The following HYDIN variants were observed in gnomAD, a reference collection of about 807,000 sequenced individuals.
HYDIN encodes HYDIN axonemal central pair apparatus protein, also known as axonemal central pair apparatus protein HYDIN.
HYDIN carries 132 observed loss-of-function variants against 403.9 expected under a neutral mutation model. That is an observed-to-expected ratio of 0.33 (90% CI 0.28 to 0.38). The LOEUF (loss-of-function observed/expected upper bound fraction) is 0.38, where lower values mean the gene tolerates loss of function less well. Ranked by LOEUF, HYDIN falls within the 10% of genes least tolerant of loss-of-function variation. HYDIN has a pLI of 1.00. For synonymous variants in HYDIN, 1,202 were observed against 1,891.7 expected (o/e 0.64, Z 9.46); for missense variants, 2,827 against 5,009.5 (o/e 0.56, Z 13.15).
chr16:71,197,402 T>A (rs1019438924), intron 1 of HYDIN, among the ~76,000 whole-genome samples: 8 of 152,242 alleles, frequency 5.3e-5, no homozygotes, highest in African/African-American at 1.7e-4. Flanking sequence ...TGACTCTGCA[T>A]ATCTGCCAAC....
chr16:71,180,367 T>C (rs990269606), intron 3 of HYDIN, among the ~76,000 whole-genome samples: 1 of 152,066 alleles, frequency 6.6e-6, no homozygotes, highest in Non-Finnish European at 1.5e-5. Context: ...AAATTATATC[T>C]GTAAACAAAC....
At chr16:71,210,134 T>C (rs939966240) in intron 1 of HYDIN, among the ~76,000 whole-genome samples, 2 of 152,154 alleles carry the variant, frequency 1.3e-5, no homozygotes, top group Admixed American at 6.6e-5. Context: ...AGAACTACCA[T>C]TCAACCTAGC....
chr16:70,892,660 C>T (rs2041541900), intron 55 of HYDIN, 131 bp from the exon 56 acceptor site: 6 of 788,850 alleles, frequency 7.6e-6, no homozygotes, highest in Non-Finnish European at 1.9e-6. Flanking sequence ...CGGCGGAGTC[C>T]ACTGTGCTTT....
rs1220288133 is a variant in HYDIN, at chr16:70,860,760, A to T, written c.11919T>A (p.Ser3973Arg). The T allele has an allele frequency of 1.0e-5, 6 of 587,866 alleles. No homozygotes were observed. The Admixed American group carries it at 1.4e-4, about 13-fold the overall frequency. The allele number at this position is 587,866 out of a possible 1,614,324, so 36.4% of individuals were successfully genotyped here. Reference sequence around the variant, plus strand: ...GGGTGTTTGGATCCAGAGCTCCCCCACTGGACCCTCGGAGCTCTGGGTTGC... The same window carrying T: ...GGGTGTTTGGATCCAGAGCTCCCCCTCTGGACCCTCGGAGCTCTGGGTTGC... ...HQRNPELRGSSGGALDPNTRV... is the reference protein window; with the variant it reads ...HQRNPELRGSRGGALDPNTRV... Residue 3973 changes from serine (S) to arginine (R), a missense_variant, in exon 70 of 86, where the codon AGT (serine) becomes AGA (arginine). Physicochemically the swap from Ser to Arg is moderately radical, Grantham distance 110. Transcript: ENST00000393567.
intron 23 of HYDIN, among the ~76,000 whole-genome samples, chr16:71,003,053 C>A (rs561893380): frequency 1.3e-5 from 2 of 152,122 alleles, no homozygotes; most frequent in Non-Finnish European, 2.9e-5. Flanking sequence ...CATCCCTTCT[C>A]CTTTATTCAA....
At chr16:70,979,165 G>C (rs1567941606) in intron 29 of HYDIN, 124 bp from the exon 30 acceptor site, 5 of 1,170,186 alleles carry the variant, frequency 4.3e-6, no homozygotes, top group Non-Finnish European at 5.9e-6. Flanking sequence ...GTGGACTTTT[G>C]GATACTTTGT....
intron 25 of HYDIN, among the ~76,000 whole-genome samples, chr16:70,990,002 A>C (rs1693713143): frequency 6.6e-6 from 1 of 152,250 alleles, no homozygotes; most frequent in Admixed American, 6.5e-5. Context: ...CGAGTCTTCC[A>C]GCTCCACTGC....
chr16:71,203,893 CAT>C (rs1040424166), intron 1 of HYDIN: 6 of 443,354 alleles, frequency 1.4e-5, no homozygotes, highest in African/African-American at 1.2e-4. Flanking sequence ...GGTGAAACCC[CAT>C]CTCTACAAAA....
chr16:70,811,620 G>A (rs1383096038), intron 84 of HYDIN, among the ~76,000 whole-genome samples: 1 of 149,992 alleles, frequency 6.7e-6, no homozygotes, highest in African/African-American at 2.5e-5. Flanking sequence ...CACTTTGGGA[G>A]GCCAAGGCAG....
At chr16:70,864,850 T>C (rs1396293638) in intron 67 of HYDIN, among the ~76,000 whole-genome samples, 6 of 152,308 alleles carry the variant, frequency 3.9e-5, no homozygotes, top group Admixed American at 2.0e-4. Context: ...CAGCTCTGCC[T>C]TTGTAGTGGG....
At chr16:70,967,932 G>T (rs1056997973) in intron 36 of HYDIN, among the ~76,000 whole-genome samples, 2 of 151,490 alleles carry the variant, frequency 1.3e-5, no homozygotes, top group Non-Finnish European at 2.9e-5. Flanking sequence ...TTATATCCAT[G>T]ATTTTCAAGA....
intron 42 of HYDIN, among the ~76,000 whole-genome samples, 192 bp from the exon 43 acceptor site, chr16:70,942,011 CTTTTTT>C (rs143927561): frequency 1.1e-5 from 1 of 93,408 alleles, no homozygotes. Context: ...ATCAGCCAGT[CTTTTTT>C]TTTTTTTTTT....
At chr16:70,896,127 G>A (rs1445291276) in intron 53 of HYDIN, 47 bp from the exon 54 acceptor site, 4 of 1,605,854 alleles carry the variant, frequency 2.5e-6, no homozygotes, top group Non-Finnish European at 3.4e-6. Context: ...ACCTATAGGT[G>A]CTTGGAGCCT....
intron 75 of HYDIN, among the ~76,000 whole-genome samples, chr16:70,842,064 T>C (rs1015969422): frequency 6.6e-6 from 1 of 150,844 alleles, no homozygotes; most frequent in Non-Finnish European, 1.5e-5. Context: ...CTTTGCACGA[T>C]TTCAATCCTT....
rs780769445 is a variant in HYDIN at position 70,920,949 on chromosome 16, C to T, written c.7427G>A (p.Arg2476Gln). 1.9e-5 allele frequency: 30 copies of T among 1,612,188 alleles called. No individual in the cohort carries two copies. Among genetic ancestry groups the T allele is most frequent in the South Asian group, 6.6e-5 (6 of 90,866 alleles). The change falls in exon 46 of 86, where the codon CGG (arginine) becomes CAG (glutamine). Residue 2476 changes from arginine (R) to glutamine (Q), a missense_variant. Transcript: ENST00000393567. ...DVQNILMYWD[R>Q]KQGVQLPPAG... The stretch of plus-strand genomic sequence containing the variant: ...AGGAGGCAGCTGGACTCCTTGCTTC[C>T]GGTCCCAGTACATGAGGATGTTCTG...
At chr16:71,152,427 C>G (rs996185837) in intron 7 of HYDIN, among the ~76,000 whole-genome samples, 1 of 149,812 alleles carries the variant, frequency 6.7e-6, no homozygotes, top group African/African-American at 2.4e-5. Flanking sequence ...TAAGTTCTTT[C>G]GTAGTGATTT....
rs142393616 is a variant in HYDIN, at chr16:70,894,378, G to A, written c.9248+71C>T. 1.5e-3 allele frequency: 2,381 copies of A among 1,602,950 alleles called. 29 individuals are homozygous for A. In the African/African-American group the frequency reaches 0.026, roughly 18 times the overall value. On this transcript the variant is annotated intron_variant, in intron 55 of 85. Transcript: ENST00000393567. ...TATCGGATTCAGGTTACCTGAACAC[G>A]ATCTCATATTTCCCCACATTCCTCC...
chr16:70,892,306 C>T (rs2041514495), intron 56 of HYDIN, 55 bp downstream of exon 56: 2 of 1,560,288 alleles, frequency 1.3e-6, no homozygotes, highest in Non-Finnish European at 1.7e-6. Flanking sequence ...TTCTTTGCAA[C>T]AGGAGTCGTA....
chr16:70,998,250 C>T (rs2144064666), intron 23 of HYDIN, among the ~76,000 whole-genome samples: 1 of 152,120 alleles, frequency 6.6e-6, no homozygotes. Context: ...GGAATGAAAA[C>T]ATTTCAAGTA....
Sources: gnomAD v4.1 joint callset for allele counts (sites outside exome capture counted in the v4.1 genomes callset) on GRCh38, gnomAD v4.1.1 for gene constraint, MANE v1.5 for transcripts, NCBI Gene and HGNC (gene_info 2026-07-23, HGNC 2026-07-21) for gene names.